GNG7: variants seen among roughly 807,000 people sequenced by gnomAD.
GNG7 encodes the protein guanine nucleotide-binding protein G(I)/G(S)/G(O) subunit gamma-7.
In GNG7, 1 loss-of-function variant was observed where a neutral mutation model predicts 4.0. The observed-to-expected ratio is 0.25, with a 90% confidence interval of 0.09 to 1.18. The LOEUF is 1.18. Among genes scored for constraint, GNG7 ranks in the 50% most tolerant of loss-of-function variants. The pLI is 0.50. For synonymous variants in GNG7, 34 were observed against 36.9 expected (o/e 0.92, Z 0.29); for missense variants, 86 against 91.9 (o/e 0.94, Z 0.26).
chr19:2,531,182 G>A (rs1978569903), intron 3 of GNG7, among the ~76,000 whole-genome samples: 1 of 136,798 alleles, frequency 7.3e-6, no homozygotes, highest in Admixed American at 7.5e-5. Context: ...GCGGGTTCTT[G>A]TAATCCCAGC....
intron 1 of GNG7, among the ~76,000 whole-genome samples, chr19:2,691,688 GA>G (rs1245307983): frequency 6.6e-6 from 1 of 151,712 alleles, no homozygotes; most frequent in Non-Finnish European, 1.5e-5. Flanking sequence ...CCAACATGGT[GA>G]AACCCCGTTT....
chr19:2,524,839 C>T (rs1004427282), intron 3 of GNG7, among the ~76,000 whole-genome samples: 2 of 152,168 alleles, frequency 1.3e-5, no homozygotes, highest in Admixed American at 6.5e-5. Flanking sequence ...CGTGTGTGTA[C>T]GTCACTGTAG....
Position 2,546,687 on chromosome 19 carries a change from G to C in GNG7, c.-38+8462C>G, listed in dbSNP as rs1055560559. Reference sequence around the variant, plus strand: ...GCCTAAGAATGAGCCGGCTTGTTCAGACAAAGAGGCCGCGACGACAGAGGG... The same window carrying C: ...GCCTAAGAATGAGCCGGCTTGTTCACACAAAGAGGCCGCGACGACAGAGGG... On this transcript the variant is annotated intron_variant, in intron 3 of 4. Coordinates refer to ENST00000382159, the MANE Select transcript of GNG7 (RefSeq NM_052847.3). This position sits in a 1 kb window ranked among gnomAD's most constrained non-coding sequence, Gnocchi z 6.3. Among the ~76,000 whole-genome samples the C allele has an allele frequency of 2.6e-5, 4 of 152,192 alleles. No individual in the cohort carries two copies. The highest frequency in any genetic ancestry group is 4.4e-5 in the Non-Finnish European group (3 of 68,032).
intron 2 of GNG7, among the ~76,000 whole-genome samples, chr19:2,612,686 A>ATT (rs61243256): frequency 2.2e-5 from 3 of 135,912 alleles, no homozygotes; most frequent in Middle Eastern, 4.0e-3. Context: ...ACAGCTTAGA[A>ATT]TTTTTTTTTT....
chr19:2,552,833 A>G (rs1599386402), intron 3 of GNG7, among the ~76,000 whole-genome samples: 3 of 130,036 alleles, frequency 2.3e-5, no homozygotes, highest in South Asian at 5.3e-4. Context: ...ATCGTCCCCA[A>G]ACCATCCTCC....
intron 1 of GNG7, among the ~76,000 whole-genome samples, chr19:2,681,320 A>T (rs1266978871): frequency 2.0e-5 from 3 of 152,072 alleles, no homozygotes; most frequent in Non-Finnish European, 4.4e-5. Flanking sequence ...AGTAGCTGGG[A>T]CTACAGGCGC....
chr19:2,684,119 C>G (rs1051524421), intron 1 of GNG7, among the ~76,000 whole-genome samples: 1 of 147,218 alleles, frequency 6.8e-6, no homozygotes, highest in African/African-American at 2.5e-5. Context: ...GTCAGGAGTT[C>G]GAGACCAGCC....
Position 2,626,762 on chromosome 19 carries a change from C to T in GNG7, c.-78+19462G>A, listed in dbSNP as rs961399702. 3.8e-4 allele frequency among the ~76,000 whole-genome samples: 58 copies of T among 152,196 alleles called. No homozygotes were observed. The highest frequency in any genetic ancestry group is 1.2e-3 in the Admixed American group (18 of 15,302). Reference sequence around the variant, plus strand: ...CGGGGGACATCTGTAATTGTCATGACGGAGGGAAGTGGGACCTTCCCTGAC... The same window carrying T: ...CGGGGGACATCTGTAATTGTCATGATGGAGGGAAGTGGGACCTTCCCTGAC... On this transcript the variant is annotated intron_variant, in intron 2 of 4. Coordinates refer to ENST00000382159, the MANE Select transcript of GNG7 (RefSeq NM_052847.3). The surrounding 1 kb of genome is among the most constrained non-coding windows in gnomAD (Gnocchi z 5.0).
Position 2,620,486 on chromosome 19 carries a change from C to T in GNG7, c.-78+25738G>A, listed in dbSNP as rs532130149. On this transcript the variant is annotated intron_variant, in intron 2 of 4. Coordinates refer to ENST00000382159, the MANE Select transcript of GNG7 (RefSeq NM_052847.3). Reference sequence around the variant, plus strand: ...CAACAGGATATTAAAAAAGGCGAAACCTCAGAACCGTTTCCTATCGAAACC... The same window carrying T: ...CAACAGGATATTAAAAAAGGCGAAATCTCAGAACCGTTTCCTATCGAAACC... Among the ~76,000 whole-genome samples the T allele has an allele frequency of 5.3e-5, 8 of 152,244 alleles. No individual in the cohort carries two copies. In the South Asian group the frequency reaches 6.2e-4, roughly 12 times the overall value.
chr19:2,596,483 A>G (rs1338835675), intron 2 of GNG7, among the ~76,000 whole-genome samples: 1 of 152,086 alleles, frequency 6.6e-6, no homozygotes, highest in African/African-American at 2.4e-5. Flanking sequence ...CCTGGGTAAC[A>G]TAGTGAGACC....
chr19:2,661,293 AG>A (rs1983154829), intron 1 of GNG7, among the ~76,000 whole-genome samples: 1 of 35,644 alleles, frequency 2.8e-5, no homozygotes, highest in Non-Finnish European at 5.1e-5. Flanking sequence ...AAAGAAAGAA[AG>A]AAAGAAAGAG....
intron 1 of GNG7, among the ~76,000 whole-genome samples, chr19:2,659,609 A>AG (rs1983092564): frequency 2.1e-5 from 3 of 142,240 alleles, no homozygotes; most frequent in African/African-American, 8.0e-5. Flanking sequence ...AAAAAAAAAA[A>AG]AAGAGAGGAG....
chr19:2,675,422 C>G (rs1207082304), intron 1 of GNG7, among the ~76,000 whole-genome samples: 1 of 152,152 alleles, frequency 6.6e-6, no homozygotes, highest in Non-Finnish European at 1.5e-5. Flanking sequence ...TCTGCAACCA[C>G]GAAGACCAGG....
At chr19:2,665,847 C>G (rs1458173411) in intron 1 of GNG7, among the ~76,000 whole-genome samples, 1 of 152,070 alleles carries the variant, frequency 6.6e-6, no homozygotes, top group East Asian at 1.9e-4. Flanking sequence ...TGGATTACCT[C>G]CTTTTATTAT....
intron 1 of GNG7, among the ~76,000 whole-genome samples, chr19:2,667,000 G>C (rs1306643525): frequency 1.3e-5 from 2 of 152,224 alleles, no homozygotes; most frequent in Non-Finnish European, 2.9e-5. Context: ...ACACGGCAGA[G>C]TTAGCACAGA....
chr19:2,581,896 T>C (rs1311886626), intron 2 of GNG7, among the ~76,000 whole-genome samples: 1 of 152,322 alleles, frequency 6.6e-6, no homozygotes, highest in Non-Finnish European at 1.5e-5. Context: ...GAGAACATTT[T>C]GTGGAGGGTT....
In GNG7 at chr19:2,514,758, T is replaced by A; in HGVS notation, c.*264A>T. The A allele has an allele frequency of 3.3e-6, 1 of 299,550 alleles. No individual in the cohort carries two copies. The highest frequency in any genetic ancestry group is 6.3e-6 in the Non-Finnish European group (1 of 159,232). The allele number at this position is 299,550 out of a possible 1,614,324, so 18.6% of individuals were successfully genotyped here. A position where few individuals can be genotyped will look rare whatever the true frequency, so the allele number is the denominator to read the frequency against. On this transcript the variant is annotated 3_prime_UTR_variant, in exon 5 of 5. Coordinates refer to ENST00000382159, the MANE Select transcript of GNG7 (RefSeq NM_052847.3). Reference sequence around the variant, plus strand: ...ACGGGAAGTGGCCGTAAAGCCTCCATCCCTTTTGGCCCAAACTGAGAGGGC... The same window carrying A: ...ACGGGAAGTGGCCGTAAAGCCTCCAACCCTTTTGGCCCAAACTGAGAGGGC...
intron 3 of GNG7, among the ~76,000 whole-genome samples, chr19:2,534,934 G>C (rs971357260): frequency 6.6e-6 from 1 of 152,146 alleles, no homozygotes; most frequent in Non-Finnish European, 1.5e-5. Context: ...CATTGGGGAG[G>C]GGGAGGAATA....
Position 2,557,328 on chromosome 19 carries a change from CACAG to C in GNG7, c.-77-2144_-77-2141del, listed in dbSNP as rs1028726740. Among the ~76,000 whole-genome samples the C allele has an allele frequency of 6.5e-5, 6 of 92,148 alleles. No individual in the cohort carries two copies. Among genetic ancestry groups the C allele is most frequent in the African/African-American group, 1.5e-4 (4 of 26,800 alleles). The allele number at this position is 92,148 out of a possible 152,430, so 60.5% of individuals were successfully genotyped here. On this transcript the variant is annotated intron_variant, in intron 2 of 4. Transcript: ENST00000382159. The surrounding 1 kb of genome is among the most constrained non-coding windows in gnomAD (Gnocchi z 5.1). ...ATACACGCACAGACACACATGTGCA[CACAG>C]ACACACACATGTGCACACACACAGA... is the stretch of plus-strand genomic sequence containing the variant.
Sources: gnomAD v4.1 joint callset for allele counts (sites outside exome capture counted in the v4.1 genomes callset) on GRCh38, gnomAD v4.1.1 for gene constraint, Gnocchi (gnomAD v3.1) non-coding constraint, MANE v1.5 for transcripts, NCBI Gene and HGNC (gene_info 2026-07-23, HGNC 2026-07-21) for gene names.